PDE4DIP: variants seen among roughly 807,000 people sequenced by gnomAD.
The protein encoded by PDE4DIP is myomegalin.
PDE4DIP carries 59 observed loss-of-function variants against 221.4 expected under a neutral mutation model. The observed-to-expected ratio is 0.27, with a 90% CI of 0.22 to 0.33. PDE4DIP has a LOEUF of 0.33. Among genes scored for constraint, PDE4DIP ranks in the 10% least tolerant of loss-of-function variants. PDE4DIP has a pLI of 1.00. For synonymous variants in PDE4DIP, 404 were observed against 815.9 expected (o/e 0.50, Z 8.60); for missense variants, 1,036 against 2,154.2 (o/e 0.48, Z 10.28).
At chr1:148,867,354 TCTTTA>T (rs1467418550) in intron 2 of PDE4DIP, among the ~76,000 whole-genome samples, 1 of 77,446 alleles carries the variant, frequency 1.3e-5, no homozygotes, top group Admixed American at 1.3e-4. Context: ...ACTTTCTGAA[TCTTTA>T]CTTATTCATC....
intron 1 of PDE4DIP, among the ~76,000 whole-genome samples, chr1:148,817,909 C>T (rs2590087): frequency 1.4e-5 from 2 of 138,748 alleles, no homozygotes; most frequent in African/African-American, 2.7e-5. Context: ...CTCTGCCTCC[C>T]GGGTACAAGC....
chr1:148,952,085 C>T, intron 5 of PDE4DIP: 1 of 1,016,852 alleles, frequency 9.8e-7, no homozygotes, highest in Non-Finnish European at 1.2e-6. Flanking sequence ...TCTTTCTCCT[C>T]CCCGCGAGGA....
intron 1 of PDE4DIP, among the ~76,000 whole-genome samples, chr1:148,815,416 G>A (rs372971724): frequency 0.076 from 10,283 of 136,040 alleles, 7 homozygotes; most frequent in Middle Eastern, 0.11. Context: ...GGGCGTGGTG[G>A]CATGCGCCTG....
intron 32 of PDE4DIP, among the ~76,000 whole-genome samples, chr1:149,013,064 G>C (rs2069117681): frequency 6.6e-6 from 1 of 152,186 alleles, no homozygotes; most frequent in Non-Finnish European, 1.5e-5. Context: ...ATCCCTGACA[G>C]ACTGGTGGAC....
rs2076866473 is a variant in PDE4DIP, at chr1:149,031,948, A to G, written c.7004A>G (p.Lys2335Arg). ...TTGTTTTATGTTTGTCTGCAGGTGA[A>G]ATCCCTAAGGGCTCTGCCATGTACT... is the stretch of plus-strand genomic sequence containing the variant. Residue 2335 changes from lysine (K) to arginine (R), a missense_variant, in exon 44 of 44, where the codon AAA (lysine) becomes AGA (arginine). Coordinates refer to ENST00000369354, the Ensembl canonical transcript of PDE4DIP. 3.1e-6 allele frequency: 5 copies of G among 1,607,386 alleles called. No individual in the cohort carries two copies. The African/African-American group carries it at 4.0e-5, about 13-fold the overall frequency.
At chr1:148,927,048 G>A (rs868913855) in intron 1 of PDE4DIP, among the ~76,000 whole-genome samples, 31 of 148,608 alleles carry the variant, frequency 2.1e-4, no homozygotes, top group African/African-American at 5.5e-4. Flanking sequence ...ATGTTTTAGC[G>A]TTTAAGTTAT....
At chr1:148,920,173 C>T (rs1250866629) in intron 1 of PDE4DIP, among the ~76,000 whole-genome samples, 12 of 148,236 alleles carry the variant, frequency 8.1e-5, no homozygotes, top group African/African-American at 3.1e-4. Flanking sequence ...CTCACTCTTG[C>T]CCAGGCTGGA....
In PDE4DIP at chr1:149,020,766, G is replaced by A. The variant is rs1359077952; in HGVS notation, c.5961-263G>A. 5 of 480,524 alleles carry A rather than the reference G, an allele frequency of 1.0e-5. No individual in the cohort carries two copies. In the Admixed American group the frequency reaches 1.4e-4, roughly 13 times the overall value. The allele number at this position is 480,524 out of a possible 1,614,324, so 29.8% of individuals were successfully genotyped here. A position where few individuals can be genotyped will look rare whatever the true frequency, so the allele number is the denominator to read the frequency against. ...GTAGGAACAGTAAGGAGACTGTGCT[G>A]GTGTGTCTGTTCTGCTCTGAACTAA... On this transcript the variant is annotated intron_variant, in intron 36 of 43. Transcript: ENST00000369354.
chr1:148,892,164 T>G (rs1249773328), intron 1 of PDE4DIP, among the ~76,000 whole-genome samples: 1 of 119,368 alleles, frequency 8.4e-6, no homozygotes, highest in African/African-American at 3.7e-5. Context: ...CTGGCTAATT[T>G]TCGTATTTTT....
At chr1:149,013,848 C>T (rs71661999) in intron 32 of PDE4DIP, among the ~76,000 whole-genome samples, 1 of 134,178 alleles carries the variant, frequency 7.5e-6, no homozygotes, top group Non-Finnish European at 1.5e-5. Flanking sequence ...AGTGCAGTGG[C>T]ACGATCTCGG....
At chr1:148,955,227 G>A (rs1157512038) in intron 5 of PDE4DIP, among the ~76,000 whole-genome samples, 3 of 152,242 alleles carry the variant, frequency 2.0e-5, no homozygotes, top group Non-Finnish European at 4.4e-5. Context: ...GGGCTTTACA[G>A]TATTTCTGTG....
intron 5 of PDE4DIP, among the ~76,000 whole-genome samples, chr1:148,948,782 G>A (rs2052437384): frequency 6.6e-6 from 1 of 151,374 alleles, no homozygotes; most frequent in African/African-American, 2.4e-5. Context: ...ACAAGATACA[G>A]AACAGCTTCA....
At chr1:148,963,297 T>A (rs587666238) in intron 9 of PDE4DIP, among the ~76,000 whole-genome samples, 1 of 152,336 alleles carries the variant, frequency 6.6e-6, no homozygotes, top group South Asian at 2.1e-4. Context: ...TTCAGTGCTA[T>A]CTGGTTTCAG....
intron 1 of PDE4DIP, among the ~76,000 whole-genome samples, chr1:148,827,244 C>CTTTTTTTTTT (rs67632049): frequency 2.9e-5 from 1 of 34,126 alleles, no homozygotes; most frequent in African/African-American, 8.8e-5. Context: ...GTGTTATATT[C>CTTTTTTTTTT]TTTTTTTTTT....
chr1:148,978,841 C>G (rs186753529), intron 19 of PDE4DIP, among the ~76,000 whole-genome samples: 16 of 152,248 alleles, frequency 1.1e-4, no homozygotes, highest in Non-Finnish European at 1.9e-4. Flanking sequence ...CCTAGAGAAA[C>G]TGTGCTCTAA....
rs782704932 is a variant in PDE4DIP, at chr1:148,998,405, T to C, written c.3137+30T>C. On this transcript the variant is annotated intron_variant, in intron 23 of 43. Coordinates refer to ENST00000369354, the Ensembl canonical transcript of PDE4DIP. ...GACATTCTTCCCAGGGAAGGGGAGC[T>C]TGCAGGTCATGAGGCACCACAGCCA... 5.0e-6 allele frequency: 7 copies of C among 1,402,954 alleles called. No individual in the cohort carries two copies. The South Asian group carries it at 8.3e-5, about 17-fold the overall frequency. 86.9% of individuals were successfully genotyped at this position (1,402,954 alleles called of 1,614,324 possible). A position where few individuals can be genotyped will look rare whatever the true frequency, so the allele number is the denominator to read the frequency against.
chr1:148,943,900 C>T (rs1382876969), intron 5 of PDE4DIP, among the ~76,000 whole-genome samples: 2 of 150,696 alleles, frequency 1.3e-5, no homozygotes, highest in African/African-American at 2.4e-5. Flanking sequence ...GGATTTCCTG[C>T]TGTGTCTTCA....
intron 37 of PDE4DIP, 118 bp from the exon 41 acceptor site, chr1:149,024,327 G>A (rs2074378594): frequency 6.2e-6 from 5 of 800,076 alleles, no homozygotes; most frequent in East Asian, 5.0e-5. Flanking sequence ...ATCACAGATG[G>A]GTTGCATGAG....
At chr1:148,987,130 A>C (rs1336669030) in intron 21 of PDE4DIP, among the ~76,000 whole-genome samples, 3 of 152,156 alleles carry the variant, frequency 2.0e-5, no homozygotes, top group East Asian at 1.9e-4. Flanking sequence ...TTTCTGAAAC[A>C]TGTGAGCTGG....
Sources: gnomAD v4.1 joint callset for allele counts (sites outside exome capture counted in the v4.1 genomes callset) on GRCh38, gnomAD v4.1.1 for gene constraint, MANE v1.5 for transcripts, NCBI Gene and HGNC (gene_info 2026-07-23, HGNC 2026-07-21) for gene names.